Variants in NIM1K observed in about 807,000 individuals in gnomAD.
NIM1K encodes the protein serine/threonine-protein kinase NIM1.
NIM1K carries 35 observed loss-of-function variants against 37.1 expected under a neutral mutation model. The ratio of observed to expected loss-of-function variants is 0.94; its 90% CI spans 0.72 to 1.25. The LOEUF is 1.25. Ranked by LOEUF, NIM1K falls within the 50% of genes most tolerant of loss-of-function variation. The pLI, the probability that NIM1K is intolerant of heterozygous loss-of-function variation, is 0.00. For missense variants in NIM1K, 564 were observed against 548.0 expected (o/e 1.03, Z -0.29); for synonymous variants, 234 against 206.6 (o/e 1.13, Z -1.14).
intron 2 of NIM1K, among the ~76,000 whole-genome samples, chr5:43,267,524 T>C (rs1007264298): frequency 6.6e-6 from 1 of 152,204 alleles, no homozygotes; most frequent in African/African-American, 2.4e-5. Flanking sequence ...TTTCTTTAGC[T>C]CCTTGAGGTG....
chr5:43,239,649 C>T lies in NIM1K; in HGVS notation c.-694-5433C>T, dbSNP rs1752668458. Reference sequence around the variant, plus strand: ...TCAAGTGATTCTCCTGCCTTAGCCTCCCAAGTAGCTGGGATTACAGGCATG... The same window carrying T: ...TCAAGTGATTCTCCTGCCTTAGCCTTCCAAGTAGCTGGGATTACAGGCATG... On this transcript the variant is annotated intron_variant, in intron 1 of 3. Coordinates refer to ENST00000326035, the MANE Select transcript of NIM1K (RefSeq NM_153361.4). Among the ~76,000 whole-genome samples, 5 of 151,772 alleles carry T rather than the reference C, an allele frequency of 3.3e-5. No individual in the cohort carries two copies. In the South Asian group the frequency reaches 8.3e-4, roughly 25 times the overall value.
rs141450574 is a variant in NIM1K, at chr5:43,277,106, C to T, written c.342C>T (p.Thr114=). 79 of 1,614,068 alleles carry T rather than the reference C, an allele frequency of 4.9e-5. No homozygotes were observed. In the African/African-American group the frequency reaches 8.8e-4, roughly 18 times the overall value. The change falls in exon 3 of 4, where the codon ACC becomes ACT. Residue 114 remains threonine (T), a synonymous_variant. Coordinates refer to ENST00000326035, the MANE Select transcript of NIM1K (RefSeq NM_153361.4). The part of the protein sequence containing the change: ...ILDKTKLDQK[T]QRLLSREISS... ...ACAAGACCAAGTTAGACCAGAAAACCCAGAGGCTACTATCCCGAGAAATCT... is the reference window on the plus strand; with the variant it reads ...ACAAGACCAAGTTAGACCAGAAAACTCAGAGGCTACTATCCCGAGAAATCT...
chr5:43,200,468 T>C (rs950189369), intron 1 of NIM1K, among the ~76,000 whole-genome samples: 1 of 151,858 alleles, frequency 6.6e-6, no homozygotes, highest in African/African-American at 2.4e-5. Flanking sequence ...GCCCGGCTAC[T>C]TTTTTGTATT....
intron 2 of NIM1K, among the ~76,000 whole-genome samples, chr5:43,266,684 G>T (rs937403784): frequency 1.3e-5 from 2 of 152,208 alleles, no homozygotes; most frequent in Non-Finnish European, 2.9e-5. Context: ...GAAATCACCT[G>T]TCTTCTGCGT....
At chr5:43,267,664 T>C (rs1753185882) in intron 2 of NIM1K, among the ~76,000 whole-genome samples, 1 of 152,204 alleles carries the variant, frequency 6.6e-6, no homozygotes, top group African/African-American at 2.4e-5. Context: ...TTATCATTCA[T>C]TTCAAGTAAT....
At chr5:43,271,366 C>G (rs1753253973) in intron 2 of NIM1K, among the ~76,000 whole-genome samples, 1 of 151,302 alleles carries the variant, frequency 6.6e-6, no homozygotes, top group Admixed American at 6.6e-5. Flanking sequence ...AGATGATTCA[C>G]TGGGATGAGG....
intron 1 of NIM1K, among the ~76,000 whole-genome samples, chr5:43,229,399 A>G (rs952180617): frequency 4.2e-4 from 64 of 151,664 alleles, no homozygotes; most frequent in African/African-American, 1.5e-3. Flanking sequence ...AAAAAAAAAA[A>G]AAAAAGATTC....
At chr5:43,231,665 A>C (rs1419259797) in intron 1 of NIM1K, 1 of 430,280 alleles carries the variant, frequency 2.3e-6, no homozygotes, top group East Asian at 5.8e-5. Flanking sequence ...GGTCTGCAAA[A>C]GCATTCATGT....
At chr5:43,219,698 T>C (rs950313702) in intron 1 of NIM1K, among the ~76,000 whole-genome samples, 1 of 152,152 alleles carries the variant, frequency 6.6e-6, no homozygotes, top group African/African-American at 2.4e-5. Context: ...TCCTGTTCTG[T>C]GAATTATCTT....
At chr5:43,267,268 A>G (rs1380710732) in intron 2 of NIM1K, among the ~76,000 whole-genome samples, 2 of 152,160 alleles carry the variant, frequency 1.3e-5, no homozygotes, top group Admixed American at 1.3e-4. Context: ...TAGTAATCTC[A>G]ACTGATCTTT....
At chr5:43,223,808 A>G (rs558880296) in intron 1 of NIM1K, among the ~76,000 whole-genome samples, 3 of 152,306 alleles carry the variant, frequency 2.0e-5, no homozygotes, top group Non-Finnish European at 4.4e-5. Flanking sequence ...GGTTGATATA[A>G]ATGAATTCCT....
intron 1 of NIM1K, among the ~76,000 whole-genome samples, chr5:43,230,517 A>C (rs1752522620): frequency 6.6e-6 from 1 of 152,160 alleles, no homozygotes. Flanking sequence ...GTTGGATAGC[A>C]ATGTGCCCAG....
At chr5:43,269,311 AAAAAAAAAG>A (rs1753218932) in intron 2 of NIM1K, among the ~76,000 whole-genome samples, 1 of 145,216 alleles carries the variant, frequency 6.9e-6, no homozygotes, top group Non-Finnish European at 1.5e-5. Context: ...TTCATCTCAA[AAAAAAAAAG>A]AAAAAAAAAA....
At chr5:43,274,048 A>G (rs1356247728) in intron 2 of NIM1K, among the ~76,000 whole-genome samples, 1 of 152,144 alleles carries the variant, frequency 6.6e-6, no homozygotes, top group Admixed American at 6.5e-5. Context: ...GGGCTTCTAA[A>G]GTGTTTAGTA....
At chr5:43,195,225 T>C (rs1413538540) in intron 1 of NIM1K, among the ~76,000 whole-genome samples, 1 of 152,260 alleles carries the variant, frequency 6.6e-6, no homozygotes, top group East Asian at 1.9e-4. Flanking sequence ...CTTATGAAGA[T>C]AATAGTCTAC....
intron 1 of NIM1K, among the ~76,000 whole-genome samples, chr5:43,244,519 C>T (rs1475716960): frequency 6.6e-6 from 1 of 152,188 alleles, no homozygotes; most frequent in Non-Finnish European, 1.5e-5. Context: ...CCCTCCTTTT[C>T]CACATCTTCA....
intron 1 of NIM1K, among the ~76,000 whole-genome samples, chr5:43,213,162 TTTTTTTCTTTCTTTCTTTCTTTC>T (rs1380644106): frequency 3.2e-4 from 3 of 9,436 alleles, no homozygotes; most frequent in African/African-American, 9.3e-4. Flanking sequence ...TCTTTCTTTC[TTTTTTTCTTTCTTTCTTTCTTTC>T]TTTCTTTCTT....
At chr5:43,215,625 T>C (rs900517007) in intron 1 of NIM1K, among the ~76,000 whole-genome samples, 1 of 152,152 alleles carries the variant, frequency 6.6e-6, no homozygotes, top group African/African-American at 2.4e-5. Flanking sequence ...GTAGAGACGA[T>C]GTTTTGCCAT....
intron 1 of NIM1K, among the ~76,000 whole-genome samples, chr5:43,239,776 C>T (rs1752671538): frequency 6.6e-6 from 1 of 152,098 alleles, no homozygotes; most frequent in Non-Finnish European, 1.5e-5. Flanking sequence ...ATGCAGCATG[C>T]CTGGCCTCCA....
Sources: allele counts gnomAD v4.1 joint callset (sites outside exome capture counted in the v4.1 genomes callset), GRCh38; gene constraint gnomAD v4.1.1; transcripts MANE v1.5; gene names NCBI Gene and HGNC (gene_info 2026-07-23, HGNC 2026-07-21).